Variants in MAD1L1 observed in about 807,000 individuals in gnomAD.
MAD1L1 encodes the protein mitotic arrest deficient 1 like 1.
Under a neutral mutation model 96.9 loss-of-function variants are expected in MAD1L1, and 95 were observed. That is an observed-to-expected ratio of 0.98 (90% CI 0.83 to 1.16). The LOEUF is 1.16. Among genes scored for constraint, MAD1L1 ranks in the 50% most tolerant of loss-of-function variants. The probability of loss-of-function intolerance (pLI) is 0.00; values close to 1 mark genes in which losing one functional copy is unlikely to be tolerated. For synonymous variants in MAD1L1, 473 were observed against 396.6 expected (o/e 1.19, Z -2.29); for missense variants, 1,007 against 954.4 (o/e 1.06, Z -0.73).
chr7:2,176,212 G>A (rs1331338918), intron 10 of MAD1L1, among the ~76,000 whole-genome samples: 2 of 152,180 alleles, frequency 1.3e-5, no homozygotes. Flanking sequence ...GCTGGGCATG[G>A]TGGCACATGC....
At chr7:1,902,301 T>A (rs926840167) in intron 17 of MAD1L1, among the ~76,000 whole-genome samples, 1 of 152,140 alleles carries the variant, frequency 6.6e-6, no homozygotes, top group Non-Finnish European at 1.5e-5. Context: ...GATGTCAGGA[T>A]AAAGGAGCAT....
At position 2,199,737 on chromosome 7, in the gene MAD1L1, A is replaced by T. The variant is rs550230223; in HGVS notation, c.986+13475T>A. On this transcript the variant is annotated intron_variant, in intron 10 of 18. Transcript: ENST00000265854. Reference sequence around the variant, plus strand: ...GCTGGGCCAAGACCTCCAGCCTCCCAAACCCAGATTCCTGGTCCTAGGAGA... The same window carrying T: ...GCTGGGCCAAGACCTCCAGCCTCCCTAACCCAGATTCCTGGTCCTAGGAGA... Among the ~76,000 whole-genome samples the T allele has an allele frequency of 5.9e-5, 9 of 152,332 alleles. No individual in the cohort carries two copies. The South Asian group carries it at 1.9e-3, about 32-fold the overall frequency.
chr7:2,059,634 G>A (rs534692367), intron 12 of MAD1L1, among the ~76,000 whole-genome samples: 35 of 148,170 alleles, frequency 2.4e-4, no homozygotes, highest in South Asian at 8.8e-4. Context: ...GAGGAGAGGC[G>A]CGGGGCTGGA....
At chr7:2,187,533 A>G (rs772100139) in intron 10 of MAD1L1, among the ~76,000 whole-genome samples, 1 of 152,164 alleles carries the variant, frequency 6.6e-6, no homozygotes, top group South Asian at 2.1e-4. Context: ...GACAGGCACA[A>G]TCACAGCTCC....
chr7:2,202,240 C>G (rs1298055246), intron 10 of MAD1L1: 3 of 152,410 alleles, frequency 2.0e-5, no homozygotes. Context: ...GATGCGTTTA[C>G]GGAAAACCAA....
At chr7:2,173,509 T>G (rs1790807875) in intron 10 of MAD1L1, among the ~76,000 whole-genome samples, 2 of 152,196 alleles carry the variant, frequency 1.3e-5, no homozygotes, top group South Asian at 4.1e-4. Context: ...AGCTGTCTGT[T>G]TATCGCTCAT....
intron 11 of MAD1L1, among the ~76,000 whole-genome samples, chr7:2,082,414 G>C (rs1197340080): frequency 6.6e-6 from 1 of 152,154 alleles, no homozygotes; most frequent in African/African-American, 2.4e-5. Flanking sequence ...GACAGAAGGA[G>C]AGACCAGAGG....
chr7:2,144,294 C>T (rs1376089700), intron 11 of MAD1L1, among the ~76,000 whole-genome samples: 1 of 152,236 alleles, frequency 6.6e-6, no homozygotes, highest in Non-Finnish European at 1.5e-5. Flanking sequence ...AGATGCGAGA[C>T]AAACACTGAC....
At chr7:1,833,710 G>A (rs1175236390) in intron 18 of MAD1L1, among the ~76,000 whole-genome samples, 1 of 152,226 alleles carries the variant, frequency 6.6e-6, no homozygotes, top group Admixed American at 6.5e-5. Context: ...GGAGGCCGAG[G>A]CAGGTGGATC....
chr7:1,840,995 G>A (rs545694456), intron 18 of MAD1L1, among the ~76,000 whole-genome samples: 2 of 152,344 alleles, frequency 1.3e-5, no homozygotes, highest in East Asian at 3.9e-4. Flanking sequence ...TGGATGTGAT[G>A]CCCAAATCTC....
At chr7:1,911,792 A>G (rs935443457) in intron 17 of MAD1L1, among the ~76,000 whole-genome samples, 1 of 152,240 alleles carries the variant, frequency 6.6e-6, no homozygotes, top group Middle Eastern at 3.4e-3. Context: ...CGTCACCTCC[A>G]GATGAAGCCC....
intron 11 of MAD1L1, among the ~76,000 whole-genome samples, chr7:2,096,536 G>A (rs2128548247): frequency 6.6e-6 from 1 of 152,116 alleles, no homozygotes; most frequent in East Asian, 1.9e-4. Context: ...TTTATTCTGT[G>A]TGTGCATTGG....
chr7:2,070,396 G>A (rs963715756), intron 11 of MAD1L1, among the ~76,000 whole-genome samples: 2 of 152,074 alleles, frequency 1.3e-5, no homozygotes, highest in African/African-American at 4.8e-5. Context: ...TGGGACAGCC[G>A]GGCACACAGG....
chr7:2,207,573 T>C (rs1159972056), intron 10 of MAD1L1, among the ~76,000 whole-genome samples: 1 of 152,184 alleles, frequency 6.6e-6, no homozygotes, highest in Non-Finnish European at 1.5e-5. Context: ...TGGAGGGTGG[T>C]GTGCCCAGAG....
chr7:2,083,249 G>A lies in MAD1L1; in HGVS notation c.1074-13911C>T, dbSNP rs149287218. ...GCTGGAGAGAGGAAGGCACCCATTC[G>A]CCCATCACTGAGTCACCCGGCAGCT... On this transcript the variant is annotated intron_variant, in intron 11 of 18. Coordinates refer to ENST00000265854, the MANE Select transcript of MAD1L1 (RefSeq NM_001013836.2). Among the ~76,000 whole-genome samples, 917 of 152,282 alleles carry A rather than the reference G, an allele frequency of 6.0e-3. 3 individuals carry two copies. Among genetic ancestry groups the A allele is most frequent in the Middle Eastern group, 0.01 (3 of 294 alleles).
intron 12 of MAD1L1, among the ~76,000 whole-genome samples, chr7:2,015,244 G>C (rs1280716872): frequency 3.3e-5 from 5 of 152,210 alleles, no homozygotes; most frequent in African/African-American, 9.6e-5. Flanking sequence ...CAGGGCTCTC[G>C]GGAAGGCTGA....
intron 12 of MAD1L1, among the ~76,000 whole-genome samples, chr7:2,034,134 G>A (rs1783357157): frequency 6.6e-6 from 1 of 151,654 alleles, no homozygotes; most frequent in Non-Finnish European, 1.5e-5. Context: ...CAGATATGGG[G>A]AAAGCACTGA....
chr7:2,162,465 A>T (rs868146675), intron 10 of MAD1L1, among the ~76,000 whole-genome samples: 334 of 150,760 alleles, frequency 2.2e-3, no homozygotes, highest in African/African-American at 8.0e-3. Context: ...GGCCGCAGGG[A>T]CCTCTGCCTA....
chr7:2,209,427 C>T (rs1232858539), intron 10 of MAD1L1, among the ~76,000 whole-genome samples: 7 of 152,330 alleles, frequency 4.6e-5, no homozygotes, highest in Admixed American at 1.3e-4. Context: ...AGCCCAGAGC[C>T]CACAGGCCTG....
Sources: gnomAD v4.1 joint callset for allele counts (sites outside exome capture counted in the v4.1 genomes callset) on GRCh38, gnomAD v4.1.1 for gene constraint, MANE v1.5 for transcripts, NCBI Gene and HGNC (gene_info 2026-07-23, HGNC 2026-07-21) for gene names.